Variants in GNAI1 observed in about 807,000 individuals in gnomAD.
GNAI1 encodes guanine nucleotide-binding protein G(i) subunit alpha-1.
A neutral mutation model predicts 38.9 loss-of-function variants in GNAI1; 11 were observed. The ratio of observed to expected loss-of-function variants is 0.28; its 90% CI spans 0.18 to 0.47. The LOEUF is 0.47. Ranked by LOEUF, GNAI1 falls within the 20% of genes least tolerant of loss-of-function variation. The pLI is 0.99. For missense variants in GNAI1, 317 were observed against 436.9 expected (o/e 0.73, Z 2.45); for synonymous variants, 166 against 145.1 (o/e 1.14, Z -1.04).
At chr7:80,153,932 T>C (rs891893379) in intron 1 of GNAI1, among the ~76,000 whole-genome samples, 3 of 152,122 alleles carry the variant, frequency 2.0e-5, no homozygotes, top group African/African-American at 7.2e-5. Flanking sequence ...ATTAATTATT[T>C]ATTTATTTTT....
At chr7:80,196,782 A>C (rs1386609520) in intron 3 of GNAI1, among the ~76,000 whole-genome samples, 1 of 151,948 alleles carries the variant, frequency 6.6e-6, no homozygotes, top group Non-Finnish European at 1.5e-5. Context: ...AATCCCAGTA[A>C]ATTTTTTTTA....
intron 1 of GNAI1, among the ~76,000 whole-genome samples, chr7:80,163,500 A>T (rs948021263): frequency 6.6e-5 from 10 of 152,220 alleles, no homozygotes; most frequent in African/African-American, 2.4e-4. Context: ...AAATTCACTT[A>T]CATAACTACT....
chr7:80,196,894 C>T lies in GNAI1; in HGVS notation c.304-2331C>T, dbSNP rs977599211. Among the ~76,000 whole-genome samples the T allele has an allele frequency of 4.6e-5, 7 of 151,736 alleles. No individual in the cohort carries two copies. The South Asian group carries it at 1.0e-3, about 23-fold the overall frequency. ...ACTATAGTAGAGTAGGTTAACATGC[C>T]CATTATCTCACATAGTTAATTTTTT... On this transcript the variant is annotated intron_variant, in intron 3 of 7. Transcript: ENST00000649796.
intron 1 of GNAI1, among the ~76,000 whole-genome samples, chr7:80,140,196 G>A (rs375512513): frequency 1.3e-5 from 2 of 152,090 alleles, no homozygotes; most frequent in East Asian, 1.9e-4. Context: ...GTGTTAGCCC[G>A]AGTGGTGTCG....
At chr7:80,145,273 T>G (rs1787600109) in intron 1 of GNAI1, among the ~76,000 whole-genome samples, 1 of 152,236 alleles carries the variant, frequency 6.6e-6, no homozygotes, top group South Asian at 2.1e-4. Flanking sequence ...AATTACTTTC[T>G]GCTTTAAATT....
At chr7:80,192,804 C>T (rs913082300) in intron 3 of GNAI1, among the ~76,000 whole-genome samples, 1 of 152,090 alleles carries the variant, frequency 6.6e-6, no homozygotes, top group Non-Finnish European at 1.5e-5. Context: ...CAGCGATTCT[C>T]CTGCCTCAGC....
chr7:80,182,833 C>T (rs1277996307), intron 1 of GNAI1, among the ~76,000 whole-genome samples: 1 of 152,206 alleles, frequency 6.6e-6, no homozygotes, highest in Non-Finnish European at 1.5e-5. Context: ...AGTAAGAAGA[C>T]TTCAAAGCAC....
intron 3 of GNAI1, among the ~76,000 whole-genome samples, chr7:80,192,147 T>C (rs997038584): frequency 6.6e-6 from 1 of 152,230 alleles, no homozygotes; most frequent in African/African-American, 2.4e-5. Flanking sequence ...GTTTTTGAAA[T>C]AGTACATTAC....
At chr7:80,211,133 C>T in intron 6 of GNAI1, 35 bp downstream of exon 6, 2 of 1,593,694 alleles carry the variant, frequency 1.3e-6, no homozygotes, top group Non-Finnish European at 1.7e-6. Context: ...GAGCTTGAAA[C>T]ATGAAGAGCT....
rs1397800454 is a variant in GNAI1 at position 80,219,641 on chromosome 7, T to C, written c.*2148T>C. Among the ~76,000 whole-genome samples, 1 of 152,184 alleles carries C rather than the reference T, an allele frequency of 6.6e-6. No individual in the cohort carries two copies. The highest frequency in any genetic ancestry group is 1.9e-4 in the East Asian group (1 of 5,196). ...TATTCAAAACTAAATTCATCATCATTCTCTCCTTACACCAGTTCTCACCCT... is the reference window on the plus strand; with the variant it reads ...TATTCAAAACTAAATTCATCATCATCCTCTCCTTACACCAGTTCTCACCCT... On this transcript the variant is annotated 3_prime_UTR_variant, in exon 8 of 8. Transcript: ENST00000649796.
intron 4 of GNAI1, among the ~76,000 whole-genome samples, chr7:80,202,547 G>C (rs1244160160): frequency 1.3e-5 from 2 of 152,174 alleles, no homozygotes; most frequent in Non-Finnish European, 2.9e-5. Flanking sequence ...AGAATTAAAA[G>C]CACAGAGAAA....
In GNAI1 at chr7:80,203,758, A is replaced by G. The variant is rs779705219; in HGVS notation, c.516A>G (p.Gln172=). ...AACCAAATTACATCCCGACTCAACAAGATGTTCTCAGAACTAGAGTGAAAA... is the reference window on the plus strand; with the variant it reads ...AACCAAATTACATCCCGACTCAACAGGATGTTCTCAGAACTAGAGTGAAAA... ...IAQPNYIPTQ[Q]DVLRTRVKTT... is the part of the protein sequence containing the mutation. The change falls in exon 5 of 8, where the codon CAA becomes CAG. Residue 172 remains glutamine, a synonymous_variant. Coordinates refer to ENST00000649796, the MANE Select transcript of GNAI1 (RefSeq NM_002069.6). The G allele has an allele frequency of 3.0e-5, 47 of 1,585,920 alleles. No homozygotes were observed. The highest frequency in any genetic ancestry group is 2.2e-4 in the Admixed American group (13 of 59,220).
intron 1 of GNAI1, among the ~76,000 whole-genome samples, chr7:80,146,239 C>G (rs2523188): frequency 0.87 from 132,962 of 152,058 alleles, 58,778 homozygotes; most frequent in Non-Finnish European, 0.94. Flanking sequence ...TGTGACTGCT[C>G]CAGTTGCTCC....
intron 5 of GNAI1, 35 bp from the exon 6 acceptor site, chr7:80,210,934 T>G (rs756115217): frequency 1.3e-6 from 2 of 1,597,990 alleles, no homozygotes; most frequent in Non-Finnish European, 1.7e-6. Context: ...TTTTGAACAT[T>G]TAATGTGATG....
At chr7:80,165,196 C>T (rs1019863889) in intron 1 of GNAI1, among the ~76,000 whole-genome samples, 3 of 152,070 alleles carry the variant, frequency 2.0e-5, no homozygotes, top group Non-Finnish European at 2.9e-5. Flanking sequence ...ATTCCTCTCC[C>T]CTCTTAAATC....
chr7:80,171,259 T>G (rs1414976598), intron 1 of GNAI1, among the ~76,000 whole-genome samples: 1 of 151,984 alleles, frequency 6.6e-6, no homozygotes, highest in Non-Finnish European at 1.5e-5. Flanking sequence ...TGTAAAAAAT[T>G]TATTAATTTA....
Position 80,217,540 on chromosome 7 carries a change from T to A in GNAI1, c.*47T>A. 1 of 1,064,870 alleles carries A rather than the reference T, an allele frequency of 9.4e-7. No individual in the cohort carries two copies. Among genetic ancestry groups the A allele is most frequent in the Non-Finnish European group, 1.4e-6 (1 of 719,118 alleles). 66.0% of individuals were successfully genotyped at this position (1,064,870 alleles called of 1,614,324 possible). A position where few individuals can be genotyped will look rare whatever the true frequency, so the allele number is the denominator to read the frequency against. On this transcript the variant is annotated 3_prime_UTR_variant, in exon 8 of 8. Coordinates refer to ENST00000649796, the MANE Select transcript of GNAI1 (RefSeq NM_002069.6). ...TGCATTTTCAAACCAAATGAGTACT[T>A]ATATATGGATCTCTGTAGACTAGAG... is the stretch of plus-strand genomic sequence containing the variant.
intron 1 of GNAI1, among the ~76,000 whole-genome samples, chr7:80,137,509 C>G (rs924601348): frequency 2.0e-5 from 3 of 151,308 alleles, no homozygotes; most frequent in Admixed American, 2.0e-4. Flanking sequence ...TAGTAGAGAC[C>G]GGGTTTCACC....
At chr7:80,188,848 GAGAC>G in intron 1 of GNAI1, 99 bp from the exon 2 acceptor site, 2 of 754,390 alleles carry the variant, frequency 2.7e-6, no homozygotes, top group South Asian at 3.2e-5. Flanking sequence ...CACACAGAGA[GAGAC>G]TGGGTGTGTG....
Sources: gnomAD v4.1 joint callset for allele counts (sites outside exome capture counted in the v4.1 genomes callset) on GRCh38, gnomAD v4.1.1 for gene constraint, MANE v1.5 for transcripts, NCBI Gene and HGNC (gene_info 2026-07-23, HGNC 2026-07-21) for gene names.